ADRA1B: variants seen among roughly 807,000 people sequenced by gnomAD.
ADRA1B encodes the protein alpha-1B adrenergic receptor.
Under a neutral mutation model 17.9 loss-of-function variants are expected in ADRA1B, and 17 were observed. The observed-to-expected ratio is 0.95, with a 90% confidence interval of 0.65 to 1.42. The LOEUF (loss-of-function observed/expected upper bound fraction) is 1.42, where lower values mean the gene tolerates loss of function less well. ADRA1B is among the 40% of genes most tolerant of loss of function. The probability of loss-of-function intolerance (pLI) is 0.00; values close to 1 mark genes in which losing one functional copy is unlikely to be tolerated. For synonymous variants in ADRA1B, 366 were observed against 327.6 expected (o/e 1.12, Z -1.27); for missense variants, 681 against 722.1 (o/e 0.94, Z 0.65).
At chr5:159,977,439 AC>A (rs959018986), downstream of ADRA1B, among the ~76,000 whole-genome samples, 6 of 152,014 alleles carry the variant, frequency 3.9e-5, no homozygotes, top group African/African-American at 1.5e-4. Flanking sequence ...ACTTGGTGAG[AC>A]CCCAGTGTCA....
chr5:159,918,218 A>T (rs150627706), intron 1 of ADRA1B, among the ~76,000 whole-genome samples: 6 of 152,336 alleles, frequency 3.9e-5, no homozygotes, highest in Non-Finnish European at 7.4e-5. Context: ...AGGCAGCGTC[A>T]CTAATGCAGC....
At chr5:159,879,448 C>G (rs546517080) in intron 1 of ADRA1B, among the ~76,000 whole-genome samples, 1 of 152,196 alleles carries the variant, frequency 6.6e-6, no homozygotes, top group African/African-American at 2.4e-5. Flanking sequence ...TTCCAGCCCC[C>G]TCTCCAGCAG....
At chr5:159,977,292 C>G (rs765353091), downstream of ADRA1B, among the ~76,000 whole-genome samples, 2 of 152,134 alleles carry the variant, frequency 1.3e-5, no homozygotes, top group African/African-American at 4.8e-5. Flanking sequence ...AATCTTGCCC[C>G]GTGTTAGACA....
Position 159,917,414 on chromosome 5 carries a change from G to A in ADRA1B, c.509G>A (p.Trp170Ter), listed in dbSNP as rs1561590608. 2 of 1,614,124 alleles carry A rather than the reference G, an allele frequency of 1.2e-6. No individual in the cohort carries two copies. Among genetic ancestry groups the A allele is most frequent in the Non-Finnish European group, 1.7e-6 (2 of 1,180,024 alleles). ...RKAILALLSV[W>*]VLSTVISIGP... ...GCCATCTTGGCGCTGCTCAGTGTCT[G>A]GGTCTTGTCCACCGTCATCTCCATC... The change falls in exon 1 of 2, where the codon TGG (tryptophan) becomes TAG (stop). Residue 170 changes from tryptophan to a stop codon, truncating the protein, a stop_gained. Transcript: ENST00000306675. LOFTEE classifies it high-confidence loss of function.
intron 1 of ADRA1B, among the ~76,000 whole-genome samples, chr5:159,906,877 T>A (rs1754167386): frequency 6.6e-6 from 1 of 152,212 alleles, no homozygotes; most frequent in South Asian, 2.1e-4. Context: ...ACTTAGTCCC[T>A]GGGATTTAAT....
At chr5:159,923,674 CA>C (rs1754555185) in intron 1 of ADRA1B, among the ~76,000 whole-genome samples, 1 of 152,252 alleles carries the variant, frequency 6.6e-6, no homozygotes, top group Non-Finnish European at 1.5e-5. Flanking sequence ...ATGTCCAACC[CA>C]AAAGCCAGGG....
At chr5:159,907,733 A>G (rs537513877) in intron 1 of ADRA1B, among the ~76,000 whole-genome samples, 2 of 152,328 alleles carry the variant, frequency 1.3e-5, no homozygotes, top group Admixed American at 6.5e-5. Context: ...GGTAAATACT[A>G]TTAAAATCCC....
At chr5:159,875,160 A>C (rs1753789414) in intron 1 of ADRA1B, among the ~76,000 whole-genome samples, 1 of 152,160 alleles carries the variant, frequency 6.6e-6, no homozygotes, top group Admixed American at 6.5e-5. Flanking sequence ...AACATAATTC[A>C]TGGTGGAGAA....
the ADRA1B span, among the ~76,000 whole-genome samples, chr5:159,987,224 C>T: frequency 6.6e-6 from 1 of 152,210 alleles, no homozygotes; most frequent in African/African-American, 2.4e-5. Flanking sequence ...TCTGCAGGCC[C>T]GTAAATATTT....
At chr5:159,894,583 G>A (rs553460954) in intron 1 of ADRA1B, among the ~76,000 whole-genome samples, 6 of 152,220 alleles carry the variant, frequency 3.9e-5, no homozygotes, top group South Asian at 4.1e-4. Flanking sequence ...GATGTGTGCC[G>A]AACTTGTTTT....
intron 1 of ADRA1B, among the ~76,000 whole-genome samples, chr5:159,961,942 T>C (rs1755670452): frequency 6.6e-6 from 1 of 152,154 alleles, no homozygotes; most frequent in Non-Finnish European, 1.5e-5. Flanking sequence ...GGCCAATGGA[T>C]TTAAGAATAT....
At chr5:159,877,479 G>C (rs1753816064) in intron 1 of ADRA1B, among the ~76,000 whole-genome samples, 1 of 152,168 alleles carries the variant, frequency 6.6e-6, no homozygotes, top group South Asian at 2.1e-4. Flanking sequence ...AATAATTTCA[G>C]TACTCCATGT....
chr5:159,961,269 G>A (rs934568104), intron 1 of ADRA1B, among the ~76,000 whole-genome samples: 1 of 152,144 alleles, frequency 6.6e-6, no homozygotes, highest in African/African-American at 2.4e-5. Flanking sequence ...ATAGTAGCAG[G>A]GCTGTTGGAG....
rs1185878413 is a variant in ADRA1B at position 159,871,692 on chromosome 5, A to G, written c.-256+6486A>G. 2.6e-5 allele frequency among the ~76,000 whole-genome samples: 4 copies of G among 152,126 alleles called. No individual in the cohort carries two copies. The East Asian group carries it at 7.7e-4, about 29-fold the overall frequency. ...TTCCATTAAAGTCACATTCACAGGT[A>G]CTGGGGTGGTGGGGTGGGGTTAGGA... On this transcript the variant is annotated intron_variant, in intron 1 of 2. Coordinates refer to the ADRA1B transcript ENST00000641205.
At chr5:159,948,757 A>T (rs1755345298) in intron 1 of ADRA1B, among the ~76,000 whole-genome samples, 1 of 152,188 alleles carries the variant, frequency 6.6e-6, no homozygotes, top group African/African-American at 2.4e-5. Flanking sequence ...CCAGTCACTT[A>T]TGTTGAATAT....
In ADRA1B at chr5:159,972,050, G is replaced by C. The variant is rs763916062; in HGVS notation, c.1121G>C (p.Arg374Pro). 2 of 1,359,332 alleles carry C rather than the reference G, an allele frequency of 1.5e-6. No homozygotes were observed. The highest frequency in any genetic ancestry group is 1.9e-6 in the Non-Finnish European group (2 of 1,055,194). The allele number at this position is 1,359,332 out of a possible 1,614,324, so 84.2% of individuals were successfully genotyped here. ...CAGTGCCGCGGCCGCGGCCGCCGCC[G>C]ACGCCGCCGCCGCCGTCGCCTGGGC... Reference protein sequence around the residue: ...GCQCRGRGRRRRRRRRRLGGC... With the variant: ...GCQCRGRGRRPRRRRRRLGGC... Residue 374 changes from arginine (R) to proline (P), a missense_variant, in exon 2 of 2, where the codon CGA becomes CCA. Physicochemically the swap from Arg to Pro is moderately radical, Grantham distance 103 (BLOSUM62 -2). Around this residue, in one of 3 missense-constraint regions of ADRA1B, gnomAD observed 6 missense variants for 17.0 expected, o/e 0.35. Transcript: ENST00000306675.
chr5:159,874,191 C>G (rs934365863), intron 1 of ADRA1B, among the ~76,000 whole-genome samples: 1 of 152,162 alleles, frequency 6.6e-6, no homozygotes, highest in East Asian at 1.9e-4. Flanking sequence ...CTAATACCAG[C>G]CCCTAGAGCC....
the ADRA1B span, among the ~76,000 whole-genome samples, chr5:159,978,854 C>T: frequency 6.6e-6 from 1 of 152,232 alleles, no homozygotes; most frequent in African/African-American, 2.4e-5. Flanking sequence ...CACCAAACAG[C>T]ACCTGAAACC....
Position 159,917,517 on chromosome 5 carries a change from C to T in ADRA1B, c.612C>T (p.Ala204=). ...ECGVTEEPFY[A]LFSSLGSFYI... ...GGGTCACCGAAGAACCCTTCTATGC[C>T]CTCTTCTCCTCTCTGGGCTCCTTCT... The change falls in exon 1 of 2, where the codon GCC becomes GCT. Residue 204 remains alanine (A), a synonymous_variant. Transcript: ENST00000306675. 1 of 1,613,954 alleles carries T rather than the reference C, an allele frequency of 6.2e-7. No individual in the cohort carries two copies. Among genetic ancestry groups the T allele is most frequent in the Non-Finnish European group, 8.5e-7 (1 of 1,179,958 alleles).
Sources: gnomAD v4.1 joint callset for allele counts (sites outside exome capture counted in the v4.1 genomes callset) on GRCh38, gnomAD v4.1.1 for gene constraint, gnomAD v4.1.1 regional missense constraint, MANE v1.5 for transcripts, NCBI Gene and HGNC (gene_info 2026-07-23, HGNC 2026-07-21) for gene names.